Variants in JAKMIP1 observed in about 807,000 individuals in gnomAD.
JAKMIP1 encodes the protein janus kinase and microtubule-interacting protein 1.
A neutral mutation model predicts 113.0 loss-of-function variants in JAKMIP1; 33 were observed. That is an observed-to-expected ratio of 0.29 (90% CI 0.22 to 0.39). The LOEUF (loss-of-function observed/expected upper bound fraction) is 0.39. Among genes scored for constraint, JAKMIP1 ranks in the 10% least tolerant of loss-of-function variants. The pLI is 1.00. For missense variants in JAKMIP1, 813 were observed against 1,080.5 expected (o/e 0.75, Z 3.47); for synonymous variants, 480 against 459.9 (o/e 1.04, Z -0.56).
intron 1 of JAKMIP1, among the ~76,000 whole-genome samples, chr4:6,191,913 T>TTTTTTTTATTTATTTA (rs1553866637): frequency 2.1e-5 from 3 of 141,110 alleles, no homozygotes; most frequent in Non-Finnish European, 3.0e-5. Context: ...CAGGAGTGCA[T>TTTTTTTTATTTATTTA]TTTATTTATT....
chr4:6,073,266 G>A (rs1335901196), intron 8 of JAKMIP1, among the ~76,000 whole-genome samples: 4 of 152,008 alleles, frequency 2.6e-5, no homozygotes, highest in East Asian at 1.9e-4. Flanking sequence ...TAGGTCCTGC[G>A]TGTTTTGATA....
intron 1 of JAKMIP1, among the ~76,000 whole-genome samples, chr4:6,114,757 C>A (rs2108894495): frequency 6.6e-6 from 1 of 152,336 alleles, no homozygotes; most frequent in Middle Eastern, 3.4e-3. Flanking sequence ...TGACTTAGAG[C>A]TTGATACATA....
chr4:6,123,004 CA>C (rs1716922433), intron 1 of JAKMIP1, among the ~76,000 whole-genome samples: 2 of 152,328 alleles, frequency 1.3e-5, no homozygotes, highest in African/African-American at 4.8e-5. Context: ...TAACAGTTAA[CA>C]ATTATAATGA....
intron 8 of JAKMIP1, 50 bp downstream of exon 8, chr4:6,078,889 G>A (rs766860835): frequency 1.3e-6 from 2 of 1,598,748 alleles, no homozygotes; most frequent in Admixed American, 3.3e-5. Context: ...CTGCCCTGCA[G>A]ATCCGTGACA....
chr4:6,072,304 A>T (rs1188901604), intron 8 of JAKMIP1, among the ~76,000 whole-genome samples: 1 of 152,202 alleles, frequency 6.6e-6, no homozygotes, highest in South Asian at 2.1e-4. Flanking sequence ...TCCAGGGTAC[A>T]TTCTTAACCT....
Position 6,193,974 on chromosome 4 carries a change from A to C in JAKMIP1, c.-148+6279T>G, listed in dbSNP as rs952759384. Among the ~76,000 whole-genome samples, 2 of 152,216 alleles carry C rather than the reference A, an allele frequency of 1.3e-5. No homozygotes were observed. Among genetic ancestry groups the C allele is most frequent in the African/African-American group, 4.8e-5 (2 of 41,462 alleles). ...ACTACTCCGCCATGAAGAAGAAGGA[A>C]GCAATGACACTTGATGACACTTGCT... On this transcript the variant is annotated intron_variant, in intron 1 of 20. Coordinates refer to ENST00000409021, the MANE Select transcript of JAKMIP1 (RefSeq NM_001099433.2). The surrounding 1 kb of genome is among the most constrained non-coding windows in gnomAD (Gnocchi z 6.4).
intron 8 of JAKMIP1, among the ~76,000 whole-genome samples, chr4:6,066,122 C>T (rs1427121991): frequency 6.6e-6 from 1 of 152,144 alleles, no homozygotes; most frequent in African/African-American, 2.4e-5. Flanking sequence ...TCTGCTGGCT[C>T]ATCCAAAACA....
At chr4:6,062,777 C>A (rs11935435) in intron 9 of JAKMIP1, among the ~76,000 whole-genome samples, 22,602 of 152,196 alleles carry the variant, frequency 0.15, 2,470 homozygotes, top group African/African-American at 0.3. Context: ...ATGGAACCAG[C>A]CCCAACTCCA....
rs1487126759 is a variant in JAKMIP1, at chr4:6,188,930, T to A, written c.-148+11323A>T. 6.6e-6 allele frequency among the ~76,000 whole-genome samples: 1 copy of A among 152,156 alleles called. No homozygotes were observed. The highest frequency in any genetic ancestry group is 1.5e-5 in the Non-Finnish European group (1 of 68,038). On this transcript the variant is annotated intron_variant, in intron 1 of 20. Transcript: ENST00000409021. This position sits in a 1 kb window ranked among gnomAD's most constrained non-coding sequence, Gnocchi z 5.8. ...AATGTGGGGGCATCCAGGCCCTTTT[T>A]CAAAATAAGATATCTGGTTTGCAAA... is the stretch of plus-strand genomic sequence containing the variant.
chr4:6,095,369 G>GA (rs1272281000), intron 3 of JAKMIP1, among the ~76,000 whole-genome samples: 1 of 151,950 alleles, frequency 6.6e-6, no homozygotes, highest in Non-Finnish European at 1.5e-5. Flanking sequence ...AGGAAAGAAA[G>GA]AAGAAAGGAA....
chr4:6,167,022 C>A lies in JAKMIP1; in HGVS notation c.-148+33231G>T, dbSNP rs1723723560. On this transcript the variant is annotated intron_variant, in intron 1 of 20. Coordinates refer to ENST00000409021, the MANE Select transcript of JAKMIP1 (RefSeq NM_001099433.2). This position sits in a 1 kb window ranked among gnomAD's most constrained non-coding sequence, Gnocchi z 5.3. ...TAATGACCCCTACCTCCTAGGGTCT[C>A]TCAAATACTGTATGTGCTACCCCAC... Among the ~76,000 whole-genome samples the A allele has an allele frequency of 6.6e-6, 1 of 151,982 alleles. No individual in the cohort carries two copies.
chr4:6,149,982 C>T (rs746974177), intron 1 of JAKMIP1, among the ~76,000 whole-genome samples: 2 of 152,160 alleles, frequency 1.3e-5, no homozygotes, highest in African/African-American at 4.8e-5. Context: ...TTACCAGGAA[C>T]GTCACCCGCC....
chr4:6,096,097 G>A lies in JAKMIP1; in HGVS notation c.624+9376C>T, dbSNP rs1022889077. Among the ~76,000 whole-genome samples, 11 of 152,242 alleles carry A rather than the reference G, an allele frequency of 7.2e-5. No individual in the cohort carries two copies. The South Asian group carries it at 1.7e-3, about 23-fold the overall frequency. ...CAAAGATCGGGGCTGGAGCGCTCCC[G>A]GCCAAGGACACAGGAGTGCCTGTGC... is the stretch of plus-strand genomic sequence containing the variant. On this transcript the variant is annotated intron_variant, in intron 3 of 20. Coordinates refer to ENST00000409021, the MANE Select transcript of JAKMIP1 (RefSeq NM_001099433.2).
In JAKMIP1 at chr4:6,158,470, T is replaced by G. The variant is rs1172701338; in HGVS notation, c.-148+41783A>C. On this transcript the variant is annotated intron_variant, in intron 1 of 20. Coordinates refer to ENST00000409021, the MANE Select transcript of JAKMIP1 (RefSeq NM_001099433.2). The surrounding 1 kb of genome is among the most constrained non-coding windows in gnomAD (Gnocchi z 5.3). The stretch of plus-strand genomic sequence containing the variant: ...ACAGCACAGGCCTGGCTGGATGAGA[T>G]GGAGAGCAAATTTTGGAGTAAAATA... Among the ~76,000 whole-genome samples the G allele has an allele frequency of 1.3e-5, 2 of 152,030 alleles. No individual in the cohort carries two copies. The highest frequency in any genetic ancestry group is 2.9e-5 in the Non-Finnish European group (2 of 67,996).
intron 16 of JAKMIP1, among the ~76,000 whole-genome samples, chr4:6,048,614 C>T (rs779250254): frequency 6.6e-6 from 1 of 152,220 alleles, no homozygotes; most frequent in Non-Finnish European, 1.5e-5. Flanking sequence ...GAAGGAAATA[C>T]ACAAAAGTGA....
rs1262499639 is a variant in JAKMIP1, at chr4:6,176,007, G to A, written c.-148+24246C>T. 6.6e-6 allele frequency among the ~76,000 whole-genome samples: 1 copy of A among 152,130 alleles called. No homozygotes were observed. Among genetic ancestry groups the A allele is most frequent in the Non-Finnish European group, 1.5e-5 (1 of 68,044 alleles). On this transcript the variant is annotated intron_variant, in intron 1 of 20. Coordinates refer to ENST00000409021, the MANE Select transcript of JAKMIP1 (RefSeq NM_001099433.2). The surrounding 1 kb of genome is among the most constrained non-coding windows in gnomAD (Gnocchi z 5.5). ...GTCCCTTGCTCATTATAAACACAAT[G>A]GTAGTCAGCATCATTATTGTTTACT... is the stretch of plus-strand genomic sequence containing the variant.
chr4:6,035,411 A>G (rs990620243), intron 19 of JAKMIP1, among the ~76,000 whole-genome samples: 4 of 152,124 alleles, frequency 2.6e-5, no homozygotes, highest in African/African-American at 9.7e-5. Flanking sequence ...TTCCTCGTCA[A>G]TCAGGAGTCA....
At chr4:6,082,051 T>C (rs1039867349) in intron 5 of JAKMIP1, among the ~76,000 whole-genome samples, 2 of 152,016 alleles carry the variant, frequency 1.3e-5, no homozygotes, top group African/African-American at 4.8e-5. Flanking sequence ...AACTTAAATA[T>C]CTATCAATAT....
At position 6,150,754 on chromosome 4, in the gene JAKMIP1, A is replaced by G. The variant is rs897608846; in HGVS notation, c.-147-37757T>C. ...AAAGCACGTTAAAAGGCAGGCCTCT[A>G]AAATCAGCTTCCTAGACCATGGCGG... On this transcript the variant is annotated intron_variant, in intron 1 of 20. Coordinates refer to ENST00000409021, the MANE Select transcript of JAKMIP1 (RefSeq NM_001099433.2). This position sits in a 1 kb window ranked among gnomAD's most constrained non-coding sequence, Gnocchi z 4.8. 1.3e-5 allele frequency among the ~76,000 whole-genome samples: 2 copies of G among 152,204 alleles called. No homozygotes were observed. The highest frequency in any genetic ancestry group is 2.9e-5 in the Non-Finnish European group (2 of 68,042).
Sources: gnomAD v4.1 joint callset for allele counts (sites outside exome capture counted in the v4.1 genomes callset) on GRCh38, gnomAD v4.1.1 for gene constraint, Gnocchi (gnomAD v3.1) non-coding constraint, MANE v1.5 for transcripts, NCBI Gene and HGNC (gene_info 2026-07-23, HGNC 2026-07-21) for gene names.